Variants in RAP1GAP2 observed in about 807,000 individuals in gnomAD.
The protein encoded by RAP1GAP2 is rap1 GTPase-activating protein 2.
RAP1GAP2 carries 27 observed loss-of-function variants against 95.0 expected under a neutral mutation model. That is an observed-to-expected ratio of 0.28 (90% CI 0.21 to 0.39). The LOEUF is 0.39. RAP1GAP2 is among the 10% of genes least tolerant of loss of function. The pLI is 1.00. For missense variants in RAP1GAP2, 771 were observed against 970.0 expected (o/e 0.79, Z 2.72); for synonymous variants, 373 against 380.9 (o/e 0.98, Z 0.24).
chr17:2,772,300 A>C (rs1345566037), upstream of RAP1GAP2, among the ~76,000 whole-genome samples: 1 of 151,920 alleles, frequency 6.6e-6, no homozygotes, highest in Non-Finnish European at 1.5e-5. Context: ...ATTTTATTTA[A>C]TGTATTTTGA....
upstream of RAP1GAP2, among the ~76,000 whole-genome samples, chr17:2,774,682 G>C (rs1045401393): frequency 6.6e-6 from 1 of 151,726 alleles, no homozygotes; most frequent in African/African-American, 2.4e-5. Context: ...ATGTTGGCAG[G>C]CTGGTCTCGA....
intron 2 of RAP1GAP2, among the ~76,000 whole-genome samples, chr17:2,832,324 C>A (rs1332026454): frequency 2.0e-5 from 3 of 151,358 alleles, no homozygotes; most frequent in African/African-American, 4.9e-5. Context: ...TTTGGGAGGC[C>A]AAGGTGGGTG....
In RAP1GAP2 at chr17:2,870,065, C is replaced by T. The variant is rs753950313; in HGVS notation, c.81-35219C>T. On this transcript the variant is annotated intron_variant, in intron 2 of 24. Transcript: ENST00000254695. This position sits in a 1 kb window ranked among gnomAD's most constrained non-coding sequence, Gnocchi z 4.4. ...TGGGAATCTGTATGGCCCCTGACCC[C>T]GGCATGGCCTCAGAACCTTCCTCAG... is the stretch of plus-strand genomic sequence containing the variant. Among the ~76,000 whole-genome samples the T allele has an allele frequency of 2.6e-5, 4 of 151,236 alleles. No homozygotes were observed. Among genetic ancestry groups the T allele is most frequent in the African/African-American group, 7.3e-5 (3 of 41,174 alleles).
intron 12 of RAP1GAP2, among the ~76,000 whole-genome samples, chr17:2,994,470 A>G (rs1028875532): frequency 1.3e-5 from 2 of 152,256 alleles, no homozygotes; most frequent in South Asian, 2.1e-4. Context: ...CAGAGAAGGG[A>G]CTTCCCTGGA....
chr17:2,983,472 C>A (rs1247400814), intron 10 of RAP1GAP2, among the ~76,000 whole-genome samples: 3 of 152,182 alleles, frequency 2.0e-5, no homozygotes, highest in African/African-American at 7.2e-5. Flanking sequence ...AAAGATATTG[C>A]GCCATCTTTG....
intron 10 of RAP1GAP2, among the ~76,000 whole-genome samples, chr17:2,981,537 C>G (rs1203607607): frequency 6.6e-6 from 1 of 152,162 alleles, no homozygotes; most frequent in Non-Finnish European, 1.5e-5. Context: ...ATTGGTACCT[C>G]CCTGAGGCCA....
chr17:2,840,232 C>T (rs1020161378), intron 2 of RAP1GAP2, among the ~76,000 whole-genome samples: 29 of 151,914 alleles, frequency 1.9e-4, no homozygotes, highest in African/African-American at 6.3e-4. Flanking sequence ...GGCGCGATCT[C>T]GGTTCACTGC....
At chr17:2,794,767 G>A (rs954938800), upstream of RAP1GAP2, among the ~76,000 whole-genome samples, 1 of 152,098 alleles carries the variant, frequency 6.6e-6, no homozygotes, top group South Asian at 2.1e-4. Flanking sequence ...ACCTCAGCAC[G>A]GAGTCTAGGA....
intron 19 of RAP1GAP2, among the ~76,000 whole-genome samples, chr17:3,024,783 A>G (rs2047054367): frequency 6.6e-6 from 1 of 152,248 alleles, no homozygotes; most frequent in African/African-American, 2.4e-5. Context: ...CCTTGAAAAC[A>G]TTATGTTAAG....
intron 1 of RAP1GAP2, among the ~76,000 whole-genome samples, chr17:2,764,812 A>G (rs11871656): frequency 0.012 from 1,780 of 152,302 alleles, 30 homozygotes; most frequent in African/African-American, 0.04. Flanking sequence ...TTCTCATTCA[A>G]AAGGGTCTAA....
upstream of RAP1GAP2, among the ~76,000 whole-genome samples, chr17:2,772,364 T>C (rs1482491970): frequency 2.6e-5 from 4 of 152,232 alleles, no homozygotes; most frequent in East Asian, 1.9e-4. Context: ...GATCATGGCT[T>C]ACTACAGCCT....
intron 1 of RAP1GAP2, among the ~76,000 whole-genome samples, chr17:2,780,197 T>C (rs1304476716): frequency 6.6e-6 from 1 of 152,176 alleles, no homozygotes; most frequent in Non-Finnish European, 1.5e-5. Context: ...ATTACAGGCG[T>C]GCGCCACCAC....
chr17:2,968,648 A>G (rs1301439308), intron 8 of RAP1GAP2, among the ~76,000 whole-genome samples: 1 of 152,180 alleles, frequency 6.6e-6, no homozygotes, highest in Non-Finnish European at 1.5e-5. Flanking sequence ...GTAGAAAAAG[A>G]AAACAAAGGA....
chr17:2,782,456 C>T (rs892235954), intron 1 of RAP1GAP2, among the ~76,000 whole-genome samples: 1 of 152,148 alleles, frequency 6.6e-6, no homozygotes, highest in African/African-American at 2.4e-5. Flanking sequence ...GGCACCAGTG[C>T]AGCTGTGATG....
chr17:2,813,392 C>T (rs975561048), intron 2 of RAP1GAP2, among the ~76,000 whole-genome samples: 1 of 152,100 alleles, frequency 6.6e-6, no homozygotes, highest in Admixed American at 6.6e-5. Context: ...TAAAAGATCC[C>T]CCGTTCATTC....
intron 3 of RAP1GAP2, among the ~76,000 whole-genome samples, chr17:2,923,325 A>ACCTGTGAC (rs2042852828): frequency 6.9e-6 from 1 of 144,844 alleles, no homozygotes; most frequent in Non-Finnish European, 1.5e-5. Flanking sequence ...GGTGTGAGCC[A>ACCTGTGAC]CCGCGCCCGG....
chr17:3,006,997 C>T (rs989864208), intron 16 of RAP1GAP2, among the ~76,000 whole-genome samples: 5 of 152,060 alleles, frequency 3.3e-5, no homozygotes, highest in Admixed American at 6.5e-5. Flanking sequence ...GGAGGTGGCT[C>T]ATGCACAGCT....
At chr17:2,785,491 AC>A (rs1373018108) in intron 1 of RAP1GAP2, among the ~76,000 whole-genome samples, 3 of 152,120 alleles carry the variant, frequency 2.0e-5, no homozygotes, top group Non-Finnish European at 4.4e-5. Context: ...TATAACATCA[AC>A]CCCTGACCTA....
intron 3 of RAP1GAP2, among the ~76,000 whole-genome samples, chr17:2,950,605 A>ATTTT (rs3035074): frequency 1.3e-3 from 102 of 78,042 alleles, no homozygotes; most frequent in African/African-American, 4.6e-3. Flanking sequence ...ATTTGCTTCA[A>ATTTT]TTTTTTTTTT....
Sources: allele counts gnomAD v4.1 joint callset (sites outside exome capture counted in the v4.1 genomes callset), GRCh38; gene constraint gnomAD v4.1.1; non-coding constraint Gnocchi (gnomAD v3.1); transcripts MANE v1.5; gene names NCBI Gene and HGNC (gene_info 2026-07-23, HGNC 2026-07-21).